HDAC4: variants seen among roughly 807,000 people sequenced by gnomAD.
The protein encoded by HDAC4 is histone deacetylase A.
Under a neutral mutation model 135.1 loss-of-function variants are expected in HDAC4, and 16 were observed. That is an observed-to-expected ratio of 0.12 (90% CI 0.08 to 0.18). The LOEUF (loss-of-function observed/expected upper bound fraction) is 0.18, where lower values mean the gene tolerates loss of function less well. HDAC4 is among the 10% of genes least tolerant of loss of function. The pLI, the probability that HDAC4 is intolerant of heterozygous loss-of-function variation, is 1.00. For missense variants in HDAC4, 1,143 were observed against 1,511.8 expected (o/e 0.76, Z 4.05); for synonymous variants, 685 against 653.4 (o/e 1.05, Z -0.74).
intron 6 of HDAC4, chr2:239,161,836 C>T (rs571555085): frequency 2.6e-5 from 10 of 382,084 alleles, no homozygotes; most frequent in African/African-American, 1.7e-4. Flanking sequence ...TCCCTGGAAG[C>T]CCCCCATCTC....
intron 5 of HDAC4, among the ~76,000 whole-genome samples, chr2:239,171,255 ATAACTGCACTACG>A (rs2043436893): frequency 6.6e-6 from 1 of 152,216 alleles, no homozygotes; most frequent in Admixed American, 6.5e-5. Context: ...AGACTCCAAA[ATAACTGCACTACG>A]TGCAGAAAAA....
chr2:239,337,484 G>A (rs114895343), intron 2 of HDAC4, among the ~76,000 whole-genome samples: 4 of 152,226 alleles, frequency 2.6e-5, no homozygotes, highest in Admixed American at 1.3e-4. Flanking sequence ...CAGGACTCAC[G>A]GGAGTAAGCA....
chr2:239,392,227 C>T (rs1281953679), intron 1 of HDAC4, among the ~76,000 whole-genome samples: 2 of 152,210 alleles, frequency 1.3e-5, no homozygotes, highest in Non-Finnish European at 2.9e-5. Flanking sequence ...CACTCAGGGG[C>T]AAAGGAAAGC....
intron 2 of HDAC4, among the ~76,000 whole-genome samples, chr2:239,310,858 C>A (rs748550845): frequency 6.6e-6 from 1 of 152,198 alleles, no homozygotes; most frequent in African/African-American, 2.4e-5. Context: ...TGGCCTGACA[C>A]CTGGATCTCT....
intron 2 of HDAC4, among the ~76,000 whole-genome samples, chr2:239,329,578 C>T (rs1224319054): frequency 6.6e-6 from 1 of 151,628 alleles, no homozygotes; most frequent in Non-Finnish European, 1.5e-5. Context: ...ACACAGACAC[C>T]CGTGCTCCAT....
At chr2:239,134,995 T>C (rs1029059450) in intron 9 of HDAC4, among the ~76,000 whole-genome samples, 4 of 152,256 alleles carry the variant, frequency 2.6e-5, no homozygotes, top group Non-Finnish European at 5.9e-5. Context: ...TAGGATAATA[T>C]AGTTTACAAT....
At chr2:239,399,952 T>C (rs1191674020) in intron 1 of HDAC4, among the ~76,000 whole-genome samples, 2 of 152,218 alleles carry the variant, frequency 1.3e-5, no homozygotes, top group Non-Finnish European at 2.9e-5. Context: ...TATTACAAAT[T>C]TTTGATGTGC....
intron 2 of HDAC4, among the ~76,000 whole-genome samples, chr2:239,250,076 C>T (rs780036000): frequency 6.6e-6 from 1 of 152,262 alleles, no homozygotes; most frequent in Non-Finnish European, 1.5e-5. Context: ...TGATGGCCAC[C>T]GCGGCCTCTC....
chr2:239,380,440 G>A (rs1400285734), intron 1 of HDAC4, among the ~76,000 whole-genome samples: 3 of 152,068 alleles, frequency 2.0e-5, no homozygotes, highest in Non-Finnish European at 4.4e-5. Context: ...ATAAACATTT[G>A]TTTTTTCCCA....
In HDAC4 at chr2:239,189,521, C is replaced by G. The variant is rs536966142; in HGVS notation, c.339+312G>C. Among the ~76,000 whole-genome samples the G allele has an allele frequency of 3.9e-5, 6 of 152,260 alleles. No homozygotes were observed. In the East Asian group the frequency reaches 1.2e-3, roughly 29 times the overall value. ...ATCATTAAGGTTCTGGTGCTTCTTC[C>G]CTTTGGTAGCTTTTCTATTTCTGAG... On this transcript the variant is annotated intron_variant, in intron 4 of 26. Coordinates refer to ENST00000543185, the MANE Select transcript of HDAC4 (RefSeq NM_001378414.1).
At chr2:239,211,063 CA>C (rs1372850315) in intron 3 of HDAC4, among the ~76,000 whole-genome samples, 1 of 152,142 alleles carries the variant, frequency 6.6e-6, no homozygotes, top group Non-Finnish European at 1.5e-5. Flanking sequence ...CTGGATGAAG[CA>C]ATCTTAAACG....
chr2:239,153,849 C>T (rs3791500), intron 7 of HDAC4, among the ~76,000 whole-genome samples: 89,525 of 152,142 alleles, frequency 0.59, 27,212 homozygotes, highest in South Asian at 0.76. Context: ...CCAACAGCCA[C>T]GGAATCTACG....
chr2:239,397,729 G>A (rs1696662365), intron 1 of HDAC4, among the ~76,000 whole-genome samples: 1 of 152,198 alleles, frequency 6.6e-6, no homozygotes, highest in Admixed American at 6.5e-5. Flanking sequence ...CGTATGAAGA[G>A]AACTTACTGA....
chr2:239,304,179 G>A (rs1284606067), intron 2 of HDAC4, among the ~76,000 whole-genome samples: 1 of 152,204 alleles, frequency 6.6e-6, no homozygotes, highest in African/African-American at 2.4e-5. Flanking sequence ...AAAGCCCAGA[G>A]CTAGAATGCC....
chr2:239,381,709 C>T (rs1264843239), intron 1 of HDAC4, among the ~76,000 whole-genome samples: 5 of 152,192 alleles, frequency 3.3e-5, no homozygotes, highest in Admixed American at 6.5e-5. Context: ...ACATTTGCGA[C>T]GGACAATTCA....
intron 2 of HDAC4, among the ~76,000 whole-genome samples, chr2:239,263,804 C>A (rs2049533537): frequency 6.6e-6 from 1 of 152,204 alleles, no homozygotes; most frequent in African/African-American, 2.4e-5. Context: ...AAGCCGCCTG[C>A]CTGGCCCCAG....
chr2:239,158,094 T>C (rs770467888), intron 6 of HDAC4, among the ~76,000 whole-genome samples: 2 of 152,246 alleles, frequency 1.3e-5, no homozygotes, highest in Non-Finnish European at 2.9e-5. Flanking sequence ...GCAGGGGCTG[T>C]GGCCTCCAAG....
At chr2:239,372,796 C>T (rs1033028059) in intron 1 of HDAC4, among the ~76,000 whole-genome samples, 5 of 152,354 alleles carry the variant, frequency 3.3e-5, no homozygotes, top group African/African-American at 1.2e-4. Context: ...CCATTCCATA[C>T]ACATACACAC....
At chr2:239,366,199 T>G (rs1008097416) in intron 1 of HDAC4, among the ~76,000 whole-genome samples, 2 of 135,282 alleles carry the variant, frequency 1.5e-5, no homozygotes, top group South Asian at 2.3e-4. Flanking sequence ...CATACAGACA[T>G]GCATGCACAC....
Sources: allele counts gnomAD v4.1 joint callset (sites outside exome capture counted in the v4.1 genomes callset), GRCh38; gene constraint gnomAD v4.1.1; transcripts MANE v1.5; gene names NCBI Gene and HGNC (gene_info 2026-07-23, HGNC 2026-07-21).